Variants in EPB41 observed in about 807,000 individuals in gnomAD.
The protein encoded by EPB41 is erythrocyte membrane protein band 4.1.
Under a neutral mutation model 108.0 loss-of-function variants are expected in EPB41, and 65 were observed. That is an observed-to-expected ratio of 0.60 (90% CI 0.49 to 0.74). The LOEUF is 0.74. Among genes scored for constraint, EPB41 ranks in the 30% least tolerant of loss-of-function variants. EPB41 has a pLI of 0.00. For missense variants in EPB41, 875 were observed against 1,037.0 expected (o/e 0.84, Z 2.15); for synonymous variants, 336 against 358.9 (o/e 0.94, Z 0.72).
chr1:29,114,666 T>C (rs1290070061), intron 19 of EPB41, among the ~76,000 whole-genome samples: 1 of 149,904 alleles, frequency 6.7e-6, no homozygotes, highest in East Asian at 2.0e-4. Context: ...AAAAAGTCCC[T>C]GTTTCACTAC....
intron 1 of EPB41, among the ~76,000 whole-genome samples, chr1:28,907,889 C>T (rs1056957939): frequency 6.6e-5 from 10 of 151,774 alleles, no homozygotes; most frequent in Non-Finnish European, 8.8e-5. Context: ...AGACTGATCT[C>T]GAACTCCTGG....
chr1:28,953,109 T>G (rs2148998423), intron 1 of EPB41, among the ~76,000 whole-genome samples: 1 of 152,274 alleles, frequency 6.6e-6, no homozygotes, highest in African/African-American at 2.4e-5. Context: ...GAATTAGAAT[T>G]GAAACAAGGT....
intron 17 of EPB41, among the ~76,000 whole-genome samples, chr1:29,100,729 A>G (rs1400084744): frequency 1.4e-5 from 2 of 147,054 alleles, no homozygotes; most frequent in East Asian, 3.9e-4. Context: ...TATATTAAAT[A>G]TGTAAATTAA....
At chr1:28,950,529 G>T (rs1461933761) in intron 1 of EPB41, among the ~76,000 whole-genome samples, 1 of 152,226 alleles carries the variant, frequency 6.6e-6, no homozygotes, top group African/African-American at 2.4e-5. Flanking sequence ...CTTGGTCCCA[G>T]TCTCCTAAAT....
intron 16 of EPB41, among the ~76,000 whole-genome samples, chr1:29,092,737 G>T (rs10799124): frequency 0.66 from 100,578 of 151,796 alleles, 35,451 homozygotes; most frequent in Non-Finnish European, 0.79. Context: ...GGTGTCTGTT[G>T]TTCCCCTCCT....
chr1:29,071,889 T>C (rs966893427), intron 16 of EPB41: 20 of 152,248 alleles, frequency 1.3e-4, no homozygotes, highest in Non-Finnish European at 1.9e-4. Context: ...TTTGTTTTAC[T>C]TCTCAATGCT....
chr1:28,889,126 C>G lies in EPB41; in HGVS notation c.-8+1916C>G, dbSNP rs909753956. On this transcript the variant is annotated intron_variant, in intron 1 of 16. Transcript: ENST00000347529. Reference sequence around the variant, plus strand: ...CTGTGTGATCCTGCATGAGTCACTTCACCTCTCTGAGTCCCAGGCTTGTAC... The same window carrying G: ...CTGTGTGATCCTGCATGAGTCACTTGACCTCTCTGAGTCCCAGGCTTGTAC... Among the ~76,000 whole-genome samples the G allele has an allele frequency of 2.6e-5, 4 of 152,328 alleles. No individual in the cohort carries two copies. The South Asian group carries it at 8.3e-4, about 32-fold the overall frequency.
At chr1:28,962,887 G>GT (rs889196311) in intron 1 of EPB41, among the ~76,000 whole-genome samples, 5 of 151,952 alleles carry the variant, frequency 3.3e-5, no homozygotes, top group African/African-American at 4.8e-5. Flanking sequence ...GATTTTTATG[G>GT]TTTTTTTAAT....
chr1:29,097,515 G>T (rs1663633904), intron 16 of EPB41: 1 of 425,372 alleles, frequency 2.4e-6, no homozygotes, highest in Non-Finnish European at 4.4e-6. Context: ...AATTCTGAAG[G>T]TCAGTCTGAA....
At chr1:28,957,338 T>C (rs188263154) in intron 1 of EPB41, among the ~76,000 whole-genome samples, 2 of 152,384 alleles carry the variant, frequency 1.3e-5, no homozygotes, top group East Asian at 1.9e-4. Flanking sequence ...CTCCACTATA[T>C]GTAGAGACTG....
chr1:28,901,772 G>T (rs1366947282), intron 1 of EPB41, among the ~76,000 whole-genome samples: 1 of 152,064 alleles, frequency 6.6e-6, no homozygotes, highest in East Asian at 1.9e-4. Context: ...GACCTCTGGT[G>T]ATCCACCCAC....
intron 1 of EPB41, among the ~76,000 whole-genome samples, chr1:28,916,181 A>C (rs1343554494): frequency 6.6e-6 from 1 of 152,212 alleles, no homozygotes; most frequent in Admixed American, 6.5e-5. Context: ...GCACTCAATA[A>C]ATGGCAGATT....
At chr1:29,106,564 A>ATTTTTTTTTTTTTTT (rs1187973613) in intron 17 of EPB41, among the ~76,000 whole-genome samples, 7 of 50,896 alleles carry the variant, frequency 1.4e-4, no homozygotes, top group Admixed American at 6.8e-4. Context: ...AGTAGCTGGG[A>ATTTTTTTTTTTTTTT]TTTTTTTTTT....
intron 1 of EPB41, among the ~76,000 whole-genome samples, chr1:28,972,043 G>GC (rs944574480): frequency 6.6e-6 from 1 of 151,462 alleles, no homozygotes; most frequent in Non-Finnish European, 1.5e-5. Flanking sequence ...CCCCTACCCT[G>GC]CCCCCGTAGC....
intron 7 of EPB41, among the ~76,000 whole-genome samples, chr1:29,024,073 A>C (rs910574103): frequency 2.6e-5 from 4 of 152,060 alleles, no homozygotes; most frequent in African/African-American, 9.7e-5. Context: ...ACGGTGGCTC[A>C]CACCTGTAAT....
At chr1:29,088,233 G>C (rs1014032849) in intron 16 of EPB41, among the ~76,000 whole-genome samples, 2 of 151,860 alleles carry the variant, frequency 1.3e-5, no homozygotes, top group African/African-American at 4.8e-5. Context: ...TTTTAGTAGA[G>C]ACGGGGTTTC....
intron 1 of EPB41, among the ~76,000 whole-genome samples, chr1:28,926,469 GAAAATTCGCTTC>G (rs2093452527): frequency 6.6e-6 from 1 of 152,166 alleles, no homozygotes; most frequent in Non-Finnish European, 1.5e-5. Context: ...ACTAGCAAGC[GAAAATTCGCTTC>G]AAAGCCAGTA....
At chr1:28,999,675 A>G (rs1360484295) in intron 4 of EPB41, among the ~76,000 whole-genome samples, 1 of 152,138 alleles carries the variant, frequency 6.6e-6, no homozygotes, top group Non-Finnish European at 1.5e-5. Context: ...CTTACAGTTG[A>G]GCTTCTAGGG....
At chr1:29,035,041 G>GC (rs1638924084) in intron 9 of EPB41, among the ~76,000 whole-genome samples, 1 of 147,806 alleles carries the variant, frequency 6.8e-6, no homozygotes, top group Admixed American at 6.8e-5. Flanking sequence ...GAGTGCAGTG[G>GC]CGCCATCTCA....
Sources: gnomAD v4.1 joint callset for allele counts (sites outside exome capture counted in the v4.1 genomes callset) on GRCh38, gnomAD v4.1.1 for gene constraint, MANE v1.5 for transcripts, NCBI Gene and HGNC (gene_info 2026-07-23, HGNC 2026-07-21) for gene names.